BCAR3: variants seen among roughly 807,000 people sequenced by gnomAD.
BCAR3 encodes breast cancer anti-estrogen resistance protein 3.
Under a neutral mutation model 80.1 loss-of-function variants are expected in BCAR3, and 37 were observed. The observed-to-expected ratio is 0.46, with a 90% confidence interval of 0.36 to 0.61. The LOEUF is 0.61. Ranked by LOEUF, BCAR3 falls within the 20% of genes least tolerant of loss-of-function variation. BCAR3 has a pLI of 0.00. For synonymous variants in BCAR3, 389 were observed against 418.9 expected (o/e 0.93, Z 0.87); for missense variants, 978 against 1,068.2 (o/e 0.92, Z 1.18).
intron 2 of BCAR3, among the ~76,000 whole-genome samples, chr1:93,643,578 A>AT (rs1168097699): frequency 1.4e-4 from 21 of 149,536 alleles, no homozygotes; most frequent in African/African-American, 3.7e-4. Flanking sequence ...AAAAAAAGAA[A>AT]TTTTTTTAAA....
chr1:93,815,766 G>A lies in BCAR3; in HGVS notation c.-63+29801C>T, dbSNP rs1031725943. 3.9e-5 allele frequency among the ~76,000 whole-genome samples: 6 copies of A among 152,116 alleles called. 1 individual carries two copies. The highest frequency in any genetic ancestry group is 9.7e-5 in the African/African-American group (4 of 41,398). ...ATGCGCTATACACCAACAGACACAC[G>A]GAGAACATGTTTGAGCCAAAAAATA... On this transcript the variant is annotated intron_variant, in intron 2 of 13. Transcript: ENST00000370244.
intron 3 of BCAR3, among the ~76,000 whole-genome samples, chr1:93,694,783 A>G (rs982979655): frequency 1.4e-4 from 21 of 151,406 alleles, no homozygotes; most frequent in Non-Finnish European, 2.5e-4. Context: ...CCCAAACCAC[A>G]CTCCTCCTGT....
intron 2 of BCAR3, among the ~76,000 whole-genome samples, chr1:93,666,241 G>A (rs767368944): frequency 2.0e-5 from 3 of 152,096 alleles, no homozygotes; most frequent in East Asian, 1.9e-4. Context: ...AAAACACAAC[G>A]TGAGCCACAT....
At chr1:93,639,992 T>A (rs532994875) in intron 3 of BCAR3, among the ~76,000 whole-genome samples, 1 of 152,142 alleles carries the variant, frequency 6.6e-6, no homozygotes, top group Non-Finnish European at 1.5e-5. Flanking sequence ...CTGAACCTAC[T>A]GGAAGGGGCC....
At chr1:93,678,183 C>G (rs1250838119) in intron 1 of BCAR3, among the ~76,000 whole-genome samples, 2 of 152,200 alleles carry the variant, frequency 1.3e-5, no homozygotes, top group Non-Finnish European at 2.9e-5. Context: ...GCATCAGTCT[C>G]CAGTATTGAC....
At chr1:93,629,803 T>C (rs538449455) in intron 3 of BCAR3, among the ~76,000 whole-genome samples, 1 of 152,340 alleles carries the variant, frequency 6.6e-6, no homozygotes, top group South Asian at 2.1e-4. Flanking sequence ...AGAACTACAC[T>C]TTTAAAAACA....
At chr1:93,695,539 C>T (rs186293459) in intron 3 of BCAR3, among the ~76,000 whole-genome samples, 86 of 152,280 alleles carry the variant, frequency 5.6e-4, no homozygotes, top group Admixed American at 1.6e-3. Flanking sequence ...ATCTTTAATG[C>T]CTCCCTCTCA....
Position 93,639,728 on chromosome 1 carries a change from C to T in BCAR3, c.357+2576G>A, listed in dbSNP as rs557267872. Among the ~76,000 whole-genome samples, 5 of 152,036 alleles carry T rather than the reference C, an allele frequency of 3.3e-5. No homozygotes were observed. In the East Asian group the frequency reaches 7.8e-4, roughly 24 times the overall value. ...CTGACCTCGGGTGATCTGCCCACCT[C>T]GGCCTCCCAAAGTGCTGGGATTACA... On this transcript the variant is annotated intron_variant, in intron 3 of 11. Coordinates refer to ENST00000260502, the MANE Select transcript of BCAR3 (RefSeq NM_003567.4).
At position 93,717,707 on chromosome 1, in the gene BCAR3, G is replaced by A. The variant is rs372684905; in HGVS notation, c.-62-11565C>T. The stretch of plus-strand genomic sequence containing the variant: ...CGTGCCGCTGTACTCCAGCCTGCAC[G>A]AGACTCCACCTCAAAAAAAAAAAAA... On this transcript the variant is annotated intron_variant, in intron 2 of 13. Coordinates refer to the BCAR3 transcript ENST00000370244. 1.5e-3 allele frequency among the ~76,000 whole-genome samples: 212 copies of A among 142,388 alleles called. 1 individual carries two copies. The highest frequency in any genetic ancestry group is 5.4e-3 in the African/African-American group (203 of 37,274). The allele number at this position is 142,388 out of a possible 152,430, so 93.4% of individuals were successfully genotyped here.
At chr1:93,739,913 G>A (rs1378838783) in intron 2 of BCAR3, among the ~76,000 whole-genome samples, 2 of 152,068 alleles carry the variant, frequency 1.3e-5, no homozygotes, top group Non-Finnish European at 2.9e-5. Flanking sequence ...GCCCATGCCT[G>A]TAATCCCAGC....
At chr1:93,568,360 T>C (rs1673051744) in intron 9 of BCAR3, among the ~76,000 whole-genome samples, 1 of 152,258 alleles carries the variant, frequency 6.6e-6, no homozygotes, top group Non-Finnish European at 1.5e-5. Flanking sequence ...GCAACTCTCT[T>C]CAACTGCTTG....
intron 11 of BCAR3, among the ~76,000 whole-genome samples, chr1:93,564,290 C>CTTTTTTTTTTTTTTTTTTTTTTT (rs35780346): frequency 9.6e-6 from 1 of 103,730 alleles, no homozygotes; most frequent in Non-Finnish European, 2.0e-5. Flanking sequence ...TTCTTTCTTT[C>CTTTTTTTTTTTTTTTTTTTTTTT]TTTTTTTTTT....
chr1:93,581,455 C>T (rs947422938), intron 7 of BCAR3, among the ~76,000 whole-genome samples: 5 of 150,780 alleles, frequency 3.3e-5, no homozygotes, highest in African/African-American at 1.2e-4. Context: ...TTGTTGTCCA[C>T]GCTGGAGTGT....
chr1:93,604,441 A>T (rs983024835), intron 3 of BCAR3, among the ~76,000 whole-genome samples: 2 of 152,206 alleles, frequency 1.3e-5, no homozygotes, highest in African/African-American at 4.8e-5. Context: ...TTCCCATTAA[A>T]TTTCTGTTAT....
chr1:93,836,787 T>C (rs1304243441), intron 2 of BCAR3, among the ~76,000 whole-genome samples: 3 of 152,114 alleles, frequency 2.0e-5, no homozygotes, highest in African/African-American at 7.2e-5. Context: ...TCTGATGACA[T>C]TCCACCATTG....
chr1:93,601,490 T>C (rs545321398), intron 3 of BCAR3, among the ~76,000 whole-genome samples: 1 of 152,300 alleles, frequency 6.6e-6, no homozygotes, highest in East Asian at 1.9e-4. Flanking sequence ...GCACTTTGTA[T>C]GCATATATCT....
chr1:93,812,695 G>T (rs1164361958), intron 2 of BCAR3, among the ~76,000 whole-genome samples: 3 of 152,198 alleles, frequency 2.0e-5, no homozygotes, highest in Non-Finnish European at 4.4e-5. Flanking sequence ...CTCTTTGATT[G>T]TGACTCTCAC....
intron 2 of BCAR3, among the ~76,000 whole-genome samples, chr1:93,746,596 C>G (rs1205773713): frequency 1.3e-5 from 2 of 152,184 alleles, no homozygotes; most frequent in Non-Finnish European, 2.9e-5. Flanking sequence ...ACAAGGTTTG[C>G]CCAGCACGTA....
At chr1:93,739,080 C>A (rs1406709500) in intron 2 of BCAR3, among the ~76,000 whole-genome samples, 1 of 152,176 alleles carries the variant, frequency 6.6e-6, no homozygotes, top group African/African-American at 2.4e-5. Context: ...CGTTTTTCGT[C>A]CTCTGTGCTG....
Sources: allele counts gnomAD v4.1 joint callset (sites outside exome capture counted in the v4.1 genomes callset), GRCh38; gene constraint gnomAD v4.1.1; transcripts MANE v1.5; gene names NCBI Gene and HGNC (gene_info 2026-07-23, HGNC 2026-07-21).